CIMIP6: variants seen among roughly 807,000 people sequenced by gnomAD.
CIMIP6 encodes ciliary microtubule inner protein 6.
At chr2:54,331,387 T>C in the CIMIP6 span, among the ~76,000 whole-genome samples, 8 of 152,240 alleles carry the variant, frequency 5.3e-5, no homozygotes, top group East Asian at 1.5e-3. Flanking sequence ...GCCCTCCAGT[T>C]GGTGGCTTTG....
the CIMIP6 span, among the ~76,000 whole-genome samples, chr2:54,359,487 G>A: frequency 6.6e-6 from 1 of 151,966 alleles, no homozygotes; most frequent in Non-Finnish European, 1.5e-5. Context: ...AAAGCATGCT[G>A]GGCACAGTGA....
chr2:54,382,638 A>G, the CIMIP6 span, among the ~76,000 whole-genome samples: 1 of 152,104 alleles, frequency 6.6e-6, no homozygotes, highest in Non-Finnish European at 1.5e-5. Context: ...TGCATCTACT[A>G]ACTAGACCCT....
At chr2:54,372,535 G>A in the CIMIP6 span, among the ~76,000 whole-genome samples, 2 of 152,160 alleles carry the variant, frequency 1.3e-5, no homozygotes, top group Admixed American at 1.3e-4. Context: ...AGTGATGACA[G>A]GAGACTTCTA....
At chr2:54,370,069 A>G in the CIMIP6 span, among the ~76,000 whole-genome samples, 1 of 152,154 alleles carries the variant, frequency 6.6e-6, no homozygotes, top group African/African-American at 2.4e-5. Context: ...AGCCTGACCA[A>G]CATGGTGAAA....
the CIMIP6 span, among the ~76,000 whole-genome samples, chr2:54,364,242 A>G: frequency 6.6e-6 from 1 of 152,348 alleles, no homozygotes; most frequent in East Asian, 1.9e-4. Context: ...TCACAAGAAT[A>G]TTTGAATGTT....
At chr2:54,378,990 G>A in the CIMIP6 span, among the ~76,000 whole-genome samples, 7 of 152,282 alleles carry the variant, frequency 4.6e-5, no homozygotes, top group East Asian at 1.9e-4. Flanking sequence ...TGACAGGCAC[G>A]CAAGCCTCTA....
the CIMIP6 span, among the ~76,000 whole-genome samples, chr2:54,367,631 C>T: frequency 6.6e-6 from 1 of 151,976 alleles, no homozygotes; most frequent in Non-Finnish European, 1.5e-5. Flanking sequence ...AAAGGGTATG[C>T]TATAAATCAA....
the CIMIP6 span, among the ~76,000 whole-genome samples, chr2:54,378,070 C>T: frequency 2.0e-5 from 3 of 152,278 alleles, no homozygotes; most frequent in South Asian, 2.1e-4. Flanking sequence ...CCTGCAGAGC[C>T]GGGAGCATCA....
chr2:54,345,700 C>G, the CIMIP6 span, among the ~76,000 whole-genome samples: 1 of 152,134 alleles, frequency 6.6e-6, no homozygotes, highest in Non-Finnish European at 1.5e-5. Flanking sequence ...ATAACCAGTA[C>G]TGTATAGTAC....
the CIMIP6 span, among the ~76,000 whole-genome samples, chr2:54,355,309 T>G: frequency 0.21 from 32,279 of 151,892 alleles, 3,689 homozygotes; most frequent in East Asian, 0.48. Context: ...TAGATGCGAG[T>G]TTTTCCTTTA....
chr2:54,347,923 C>T, the CIMIP6 span, among the ~76,000 whole-genome samples: 1 of 152,182 alleles, frequency 6.6e-6, no homozygotes, highest in African/African-American at 2.4e-5. Flanking sequence ...TTACTTGAGT[C>T]TATTGCTACT....
the CIMIP6 span, among the ~76,000 whole-genome samples, chr2:54,374,729 T>C: frequency 6.6e-6 from 1 of 152,244 alleles, no homozygotes; most frequent in Non-Finnish European, 1.5e-5. Context: ...TTTGTGTCTT[T>C]TTTCTTGGAA....
the CIMIP6 span, among the ~76,000 whole-genome samples, chr2:54,382,253 G>C: frequency 1.3e-5 from 2 of 152,122 alleles, no homozygotes; most frequent in Non-Finnish European, 2.9e-5. Context: ...TGTCCAAAGA[G>C]CTCTAAGAGT....
At chr2:54,337,644 A>G in the CIMIP6 span, among the ~76,000 whole-genome samples, 1 of 152,194 alleles carries the variant, frequency 6.6e-6, no homozygotes, top group East Asian at 1.9e-4. Flanking sequence ...AATCCCAACT[A>G]ATTTTCTCTT....
chr2:54,378,313 A>G, the CIMIP6 span, among the ~76,000 whole-genome samples: 4 of 152,208 alleles, frequency 2.6e-5, no homozygotes, highest in Non-Finnish European at 5.9e-5. Context: ...TTCCTGCGAA[A>G]AATCCCAGCC....
chr2:54,377,942 T>C, the CIMIP6 span, among the ~76,000 whole-genome samples: 1 of 152,206 alleles, frequency 6.6e-6, no homozygotes, highest in African/African-American at 2.4e-5. Flanking sequence ...GTGTGAAGTA[T>C]AAGGGTTGAC....
the CIMIP6 span, among the ~76,000 whole-genome samples, chr2:54,380,323 G>C: frequency 3.3e-5 from 5 of 152,008 alleles, no homozygotes; most frequent in Non-Finnish European, 7.4e-5. Flanking sequence ...AATTGCCAAA[G>C]GCTCTTCAGT....
the CIMIP6 span, chr2:54,361,124 T>A: frequency 6.6e-6 from 1 of 152,246 alleles, no homozygotes; most frequent in East Asian, 1.9e-4. Context: ...CTTATATATT[T>A]AATTTTTCCT....
chr2:54,331,226 T>C, the CIMIP6 span, among the ~76,000 whole-genome samples: 19 of 152,256 alleles, frequency 1.2e-4, no homozygotes, highest in East Asian at 3.7e-3. Context: ...GGATCTAAAA[T>C]TCTTGAAGTC....
Sources: allele counts gnomAD v4.1 joint callset (sites outside exome capture counted in the v4.1 genomes callset), GRCh38; gene constraint gnomAD v4.1.1; transcripts MANE v1.5; gene names NCBI Gene and HGNC (gene_info 2026-07-23, HGNC 2026-07-21).